The following TMEM132C variants were observed in gnomAD, a reference collection of about 807,000 sequenced individuals.
TMEM132C encodes transmembrane protein 132C.
A neutral mutation model predicts 61.4 loss-of-function variants in TMEM132C; 29 were observed. The ratio of observed to expected loss-of-function variants is 0.47; its 90% CI spans 0.35 to 0.64. The LOEUF (loss-of-function observed/expected upper bound fraction) is 0.64. Ranked by LOEUF, TMEM132C falls within the 30% of genes least tolerant of loss-of-function variation. The pLI, the probability that TMEM132C is intolerant of heterozygous loss-of-function variation, is 0.00. For synonymous variants in TMEM132C, 656 were observed against 633.1 expected, an observed-to-expected ratio of 1.04 and a Z score of -0.54; for missense variants, 1,408 against 1,476.9, an observed-to-expected ratio of 0.95 and a Z score of 0.76.
chr12:128,342,537 C>G (rs907482373), intron 1 of TMEM132C, among the ~76,000 whole-genome samples: 3 of 152,018 alleles, frequency 2.0e-5, no homozygotes, highest in South Asian at 2.1e-4. Flanking sequence ...CGAGGTGTCA[C>G]TCATCACTCT....
chr12:128,372,797 T>C (rs980032121), intron 1 of TMEM132C, among the ~76,000 whole-genome samples: 1 of 152,148 alleles, frequency 6.6e-6, no homozygotes, highest in Non-Finnish European at 1.5e-5. Context: ...AGCCAAATTC[T>C]AGGCTTTATC....
rs1220630599 is a variant in TMEM132C, at chr12:128,481,147, T to C, written c.975-62810T>C. 3.3e-5 allele frequency among the ~76,000 whole-genome samples: 5 copies of C among 152,306 alleles called. No individual in the cohort carries two copies. The East Asian group carries it at 9.6e-4, about 29-fold the overall frequency. On this transcript the variant is annotated intron_variant, in intron 2 of 8. Coordinates refer to ENST00000435159, the MANE Select transcript of TMEM132C (RefSeq NM_001136103.3). ...GATGAAACATCCAGATGCCTGAATG[T>C]ATCATTGCCAGAGTCGGGCCTGTAT...
intron 2 of TMEM132C, among the ~76,000 whole-genome samples, chr12:128,489,499 G>A (rs1030236626): frequency 8.6e-5 from 13 of 151,212 alleles, no homozygotes; most frequent in African/African-American, 3.1e-4. Flanking sequence ...AGGAGTGCAG[G>A]ACAGACTACT....
intron 3 of TMEM132C, among the ~76,000 whole-genome samples, chr12:128,573,223 C>T (rs950218932): frequency 3.3e-5 from 5 of 152,096 alleles, no homozygotes; most frequent in Non-Finnish European, 7.3e-5. Flanking sequence ...CAATGATAGA[C>T]TGGATTAAGA....
At chr12:128,591,405 G>C (rs774098855) in intron 3 of TMEM132C, among the ~76,000 whole-genome samples, 1 of 152,062 alleles carries the variant, frequency 6.6e-6, no homozygotes, top group East Asian at 1.9e-4. Context: ...TCAGCGTCAT[G>C]GTCTGAGGGG....
At chr12:128,667,772 G>T (rs1447159153) in intron 4 of TMEM132C, among the ~76,000 whole-genome samples, 1 of 152,114 alleles carries the variant, frequency 6.6e-6, no homozygotes, top group Non-Finnish European at 1.5e-5. Flanking sequence ...TTATAAAAAG[G>T]CAATCAGGTA....
chr12:128,690,666 T>A (rs193159245), intron 5 of TMEM132C, among the ~76,000 whole-genome samples: 1 of 152,292 alleles, frequency 6.6e-6, no homozygotes, highest in East Asian at 1.9e-4. Context: ...CAGGACAGTG[T>A]TTACCTGCTA....
chr12:128,384,956 A>G (rs977108713), intron 1 of TMEM132C, among the ~76,000 whole-genome samples: 41 of 152,140 alleles, frequency 2.7e-4, no homozygotes, highest in African/African-American at 9.9e-4. Flanking sequence ...GCCACCTGTG[A>G]TCTTCACATT....
At chr12:128,383,395 C>G (rs888077300) in intron 1 of TMEM132C, among the ~76,000 whole-genome samples, 4 of 152,206 alleles carry the variant, frequency 2.6e-5, no homozygotes, top group Non-Finnish European at 5.9e-5. Context: ...CGTGGAAACA[C>G]GCTCCGGGTG....
intron 4 of TMEM132C, among the ~76,000 whole-genome samples, chr12:128,663,990 GGGCACTCACACA>G (rs1954426955): frequency 2.5e-5 from 2 of 79,796 alleles, no homozygotes; most frequent in African/African-American, 4.9e-5. Flanking sequence ...GCACGCACGC[GGGCACTCACACA>G]GGCACACACG....
chr12:128,524,722 C>T (rs1029822776), intron 2 of TMEM132C, among the ~76,000 whole-genome samples: 3 of 152,152 alleles, frequency 2.0e-5, no homozygotes, highest in African/African-American at 7.2e-5. Flanking sequence ...TCATTTCCTT[C>T]TTTACTTACA....
rs77059309 is a variant in TMEM132C, at chr12:128,365,750, G to A, written c.86-48982G>A. 4.1e-3 allele frequency among the ~76,000 whole-genome samples: 624 copies of A among 152,220 alleles called. 2 individuals are homozygous for A. Among genetic ancestry groups the A allele is most frequent in the African/African-American group, 0.014 (565 of 41,534 alleles). ...CTCCCTGCCCCCACAGTTGTGCTCC[G>A]AATAGTGTCTGAGTTTCATTTTTAC... On this transcript the variant is annotated intron_variant, in intron 1 of 8. Transcript: ENST00000435159.
intron 1 of TMEM132C, among the ~76,000 whole-genome samples, chr12:128,325,811 C>T (rs990942810): frequency 9.9e-5 from 15 of 152,106 alleles, no homozygotes; most frequent in South Asian, 4.1e-4. Context: ...ACCAGCAACC[C>T]GGCTGTCAGG....
intron 4 of TMEM132C, among the ~76,000 whole-genome samples, chr12:128,634,389 T>A (rs1179342438): frequency 6.6e-6 from 1 of 152,240 alleles, no homozygotes; most frequent in Admixed American, 6.5e-5. Flanking sequence ...TGTCTTTTCA[T>A]TAATGAAACC....
intron 2 of TMEM132C, among the ~76,000 whole-genome samples, chr12:128,443,141 TGAGAGA>T (rs375633151): frequency 1.4e-4 from 21 of 148,584 alleles, no homozygotes; most frequent in African/African-American, 4.7e-4. Context: ...ATATATATAT[TGAGAGA>T]GAGAGAGAGA....
chr12:128,420,276 A>C (rs1868943507), intron 2 of TMEM132C, among the ~76,000 whole-genome samples: 1 of 152,204 alleles, frequency 6.6e-6, no homozygotes, highest in African/African-American at 2.4e-5. Flanking sequence ...CAAGGGAGGA[A>C]GAATGGAAAG....
intron 2 of TMEM132C, among the ~76,000 whole-genome samples, chr12:128,528,609 T>C (rs1041561043): frequency 6.6e-6 from 1 of 152,068 alleles, no homozygotes; most frequent in African/African-American, 2.4e-5. Context: ...TAATTCTTAG[T>C]TAGTGTGGTG....
At chr12:128,521,307 GTA>G (rs200055238) in intron 2 of TMEM132C, among the ~76,000 whole-genome samples, 29,310 of 147,482 alleles carry the variant, frequency 0.2, 3,308 homozygotes, top group Admixed American at 0.25. Flanking sequence ...GTATATATGT[GTA>G]TATATATATA....
intron 2 of TMEM132C, among the ~76,000 whole-genome samples, chr12:128,514,588 C>A (rs1290315118): frequency 6.6e-6 from 1 of 152,120 alleles, no homozygotes; most frequent in African/African-American, 2.4e-5. Flanking sequence ...GATTTGACCC[C>A]AGATGCAAAG....
Sources: allele counts gnomAD v4.1 joint callset (sites outside exome capture counted in the v4.1 genomes callset), GRCh38; gene constraint gnomAD v4.1.1; transcripts MANE v1.5; gene names NCBI Gene and HGNC (gene_info 2026-07-23, HGNC 2026-07-21).